Variants in ADORA2B observed in about 807,000 individuals in gnomAD.
ADORA2B encodes the protein adenosine A2b receptor, also known as adenosine receptor A2b.
ADORA2B carries 18 observed loss-of-function variants against 20.8 expected under a neutral mutation model. The observed-to-expected ratio is 0.87, with a 90% confidence interval of 0.60 to 1.29. The LOEUF is 1.29. Ranked by LOEUF, ADORA2B falls within the 50% of genes most tolerant of loss-of-function variation. The pLI, the probability that ADORA2B is intolerant of heterozygous loss-of-function variation, is 0.00. For missense variants in ADORA2B, 441 were observed against 422.7 expected, an observed-to-expected ratio of 1.04 and a Z score of -0.38; for synonymous variants, 179 against 178.3, an observed-to-expected ratio of 1.00 and a Z score of -0.03.
chr17:15,929,429 GA>G, the ADORA2B span, among the ~76,000 whole-genome samples: 1 of 152,174 alleles, frequency 6.6e-6, no homozygotes, highest in South Asian at 2.1e-4. Context: ...CATCAAGGAA[GA>G]AACTCACTGA....
chr17:15,889,148 A>G, the ADORA2B span, among the ~76,000 whole-genome samples: 1 of 125,904 alleles, frequency 7.9e-6, no homozygotes, highest in East Asian at 2.1e-4. Flanking sequence ...GATTACAGGC[A>G]TTAACCACTA....
At chr17:15,934,668 T>G in the ADORA2B span, among the ~76,000 whole-genome samples, 1 of 152,202 alleles carries the variant, frequency 6.6e-6, no homozygotes, top group Non-Finnish European at 1.5e-5. Context: ...ATAAAAAAGC[T>G]TTCTTCCTAT....
At chr17:15,941,312 A>G (rs1015077449), upstream of ADORA2B, among the ~76,000 whole-genome samples, 1 of 152,202 alleles carries the variant, frequency 6.6e-6, no homozygotes, top group African/African-American at 2.4e-5. Flanking sequence ...CATCTTATAC[A>G]TAAGAAATAG....
intron 1 of ADORA2B, among the ~76,000 whole-genome samples, chr17:15,954,820 C>T (rs1055308928): frequency 3.3e-5 from 5 of 152,152 alleles, no homozygotes; most frequent in African/African-American, 7.2e-5. Flanking sequence ...GATTGTGGTT[C>T]GGAAGTGTTT....
the ADORA2B span, among the ~76,000 whole-genome samples, chr17:15,928,299 G>A: frequency 1.3e-5 from 2 of 152,048 alleles, no homozygotes; most frequent in African/African-American, 2.4e-5. Context: ...ACAGAGAAAT[G>A]GGGAGATCAT....
chr17:15,971,711 C>A (rs1235229237), intron 1 of ADORA2B, among the ~76,000 whole-genome samples: 1 of 148,028 alleles, frequency 6.8e-6, no homozygotes, highest in Non-Finnish European at 1.5e-5. Context: ...CGGCTCACTG[C>A]ATCCTCTGCC....
chr17:15,948,493 C>T (rs1322585871), intron 1 of ADORA2B, among the ~76,000 whole-genome samples: 1 of 143,128 alleles, frequency 7.0e-6, no homozygotes, highest in African/African-American at 2.5e-5. Context: ...AGGGTGTGGG[C>T]CATGCCCAAA....
intron 1 of ADORA2B, among the ~76,000 whole-genome samples, chr17:15,966,350 C>T (rs944785816): frequency 3.9e-5 from 6 of 152,308 alleles, no homozygotes; most frequent in African/African-American, 1.4e-4. Flanking sequence ...CTAGTGTTTC[C>T]GATGGGAAGC....
chr17:15,891,101 T>G, the ADORA2B span, among the ~76,000 whole-genome samples: 1 of 152,142 alleles, frequency 6.6e-6, no homozygotes, highest in Non-Finnish European at 1.5e-5. Flanking sequence ...ACCCCATCTC[T>G]ACTAAAAATT....
chr17:15,957,722 T>C (rs572777400), intron 1 of ADORA2B, among the ~76,000 whole-genome samples: 1 of 152,232 alleles, frequency 6.6e-6, no homozygotes, highest in South Asian at 2.1e-4. Context: ...ATGGGAGCCC[T>C]GGACCGTTCA....
At chr17:15,928,420 G>A in the ADORA2B span, among the ~76,000 whole-genome samples, 4 of 152,030 alleles carry the variant, frequency 2.6e-5, no homozygotes, top group East Asian at 1.9e-4. Flanking sequence ...CCAGGGAGAC[G>A]GGGAAGGAGC....
intron 1 of ADORA2B, among the ~76,000 whole-genome samples, chr17:15,971,783 C>T (rs1970190717): frequency 6.6e-6 from 1 of 152,050 alleles, no homozygotes; most frequent in Admixed American, 6.6e-5. Context: ...CAGGTGCCCA[C>T]CACCATGCCT....
chr17:15,957,173 A>G (rs577991797), intron 1 of ADORA2B, among the ~76,000 whole-genome samples: 3 of 152,328 alleles, frequency 2.0e-5, no homozygotes, highest in East Asian at 1.9e-4. Flanking sequence ...TAGAACCACA[A>G]TTTCTGCACC....
At chr17:15,878,193 AC>A in the ADORA2B span, among the ~76,000 whole-genome samples, 1 of 120,576 alleles carries the variant, frequency 8.3e-6, no homozygotes, top group African/African-American at 5.5e-5. Context: ...ATACACACAC[AC>A]ACACACACAC....
At chr17:15,972,258 G>C (rs896411294) in intron 1 of ADORA2B, among the ~76,000 whole-genome samples, 1 of 152,150 alleles carries the variant, frequency 6.6e-6, no homozygotes, top group African/African-American at 2.4e-5. Flanking sequence ...AGGCTGGGGG[G>C]TTCTGCGGCC....
the ADORA2B span, among the ~76,000 whole-genome samples, chr17:15,895,591 C>T: frequency 1.3e-5 from 2 of 152,152 alleles, no homozygotes; most frequent in South Asian, 2.1e-4. Flanking sequence ...TCTGTATCTG[C>T]GCTGCCTTCA....
chr17:15,869,702 C>G, the ADORA2B span, among the ~76,000 whole-genome samples: 1 of 152,168 alleles, frequency 6.6e-6, no homozygotes, highest in African/African-American at 2.4e-5. Context: ...TATCCCACTT[C>G]ACAGCCCTGT....
intron 1 of ADORA2B, 91 bp from the exon 2 acceptor site, chr17:15,974,588 A>G: frequency 8.5e-7 from 1 of 1,180,640 alleles, no homozygotes; most frequent in Non-Finnish European, 1.2e-6. Context: ...GAGGTTGTTA[A>G]AGGGTCATGG....
the ADORA2B span, among the ~76,000 whole-genome samples, chr17:15,908,286 C>T: frequency 3.9e-5 from 6 of 151,996 alleles, no homozygotes; most frequent in Admixed American, 1.3e-4. Flanking sequence ...TGCTGTCATA[C>T]GGTTAAAAGA....
Sources: gnomAD v4.1 joint callset for allele counts (sites outside exome capture counted in the v4.1 genomes callset) on GRCh38, gnomAD v4.1.1 for gene constraint, MANE v1.5 for transcripts, NCBI Gene and HGNC (gene_info 2026-07-23, HGNC 2026-07-21) for gene names.